Variants in TRIM5 observed in about 807,000 individuals in gnomAD.
TRIM5 encodes tripartite motif containing 5, also known as tripartite motif-containing protein 5.
In TRIM5, 31 loss-of-function variants were observed where a neutral mutation model predicts 35.6. The ratio of observed to expected loss-of-function variants is 0.87; its 90% CI spans 0.65 to 1.18. TRIM5 has a LOEUF of 1.18. Among genes scored for constraint, TRIM5 ranks in the 50% most tolerant of loss-of-function variants. The pLI is 0.00. For synonymous variants in TRIM5, 243 were observed against 215.6 expected (o/e 1.13, Z -1.11); for missense variants, 609 against 591.6 (o/e 1.03, Z -0.31).
the TRIM5 span, chr11:5,596,769 GTT>G: frequency 1.4e-4 from 208 of 1,442,834 alleles, no homozygotes; most frequent in Non-Finnish European, 1.9e-4. Context: ...GCGTGGTTGA[GTT>G]TAGATAAAAG....
chr11:5,597,253 T>TA, the TRIM5 span, among the ~76,000 whole-genome samples: 3 of 152,160 alleles, frequency 2.0e-5, no homozygotes, highest in Admixed American at 1.3e-4. Context: ...ATGTATATCT[T>TA]AGAGTTTTGG....
At chr11:5,647,879 C>T in the TRIM5 span, among the ~76,000 whole-genome samples, 5,955 of 152,048 alleles carry the variant, frequency 0.039, 218 homozygotes, top group East Asian at 0.16. Context: ...GGTGATGTCA[C>T]GGGGGTCTGA....
chr11:5,633,950 T>C, the TRIM5 span: 1 of 1,598,436 alleles, frequency 6.3e-7, no homozygotes, highest in Non-Finnish European at 8.5e-7. Flanking sequence ...GACAGGACCT[T>C]AATCCAAGGA....
the TRIM5 span, among the ~76,000 whole-genome samples, chr11:5,645,278 C>T: frequency 1.4e-3 from 209 of 151,608 alleles, no homozygotes; most frequent in African/African-American, 4.9e-3. Context: ...TGTAATCCCA[C>T]CTACTTGGGA....
chr11:5,641,413 C>T, the TRIM5 span: 6 of 1,195,610 alleles, frequency 5.0e-6, no homozygotes, highest in African/African-American at 7.8e-5. Context: ...TTCAGAGCTA[C>T]AGCCAAAAAG....
chr11:5,609,785 T>C, the TRIM5 span, among the ~76,000 whole-genome samples: 1 of 152,002 alleles, frequency 6.6e-6, no homozygotes, highest in Non-Finnish European at 1.5e-5. Context: ...TAGCCAGGCG[T>C]GGTGGCACGC....
chr11:5,678,021 A>G, intron 4 of TRIM5, 183 bp downstream of exon 4: 1 of 547,562 alleles, frequency 1.8e-6, no homozygotes, highest in South Asian at 3.0e-5. Flanking sequence ...GGATAAATTA[A>G]TAAAAATGGG....
the TRIM5 span, among the ~76,000 whole-genome samples, chr11:5,652,852 CTTTTTT>C: frequency 9.0e-4 from 130 of 143,676 alleles, no homozygotes; most frequent in South Asian, 3.8e-3. Flanking sequence ...TTTTCTTTTT[CTTTTTT>C]TTTTTTTTTT....
At position 5,663,670 on chromosome 11, in the gene TRIM5, T is replaced by A; in HGVS notation, c.*1139A>T. 1.4e-6 allele frequency: 1 copy of A among 707,702 alleles called. No individual in the cohort carries two copies. Among genetic ancestry groups the A allele is most frequent in the Non-Finnish European group, 1.7e-6 (1 of 576,076 alleles). The allele number at this position is 707,702 out of a possible 1,614,324, so 43.8% of individuals were successfully genotyped here. On this transcript the variant is annotated 3_prime_UTR_variant, in exon 8 of 8. Transcript: ENST00000380034. ...CAAATAATAAATATACATATTTATG[T>A]GGTACAGTGTGATGTTTTGATACAT...
At chr11:5,676,684 A>C (rs1250711730) in intron 4 of TRIM5, among the ~76,000 whole-genome samples, 4 of 149,476 alleles carry the variant, frequency 2.7e-5, no homozygotes, top group Admixed American at 6.7e-5. Context: ...GAGGCATCAC[A>C]CTACCTGACT....
intron 4 of TRIM5, among the ~76,000 whole-genome samples, chr11:5,670,739 T>A (rs1411200921): frequency 6.6e-6 from 1 of 151,834 alleles, no homozygotes; most frequent in African/African-American, 2.4e-5. Context: ...GGATTGAACA[T>A]AACTTATATT....
At chr11:5,675,615 C>T (rs935787183) in intron 4 of TRIM5, among the ~76,000 whole-genome samples, 1 of 151,798 alleles carries the variant, frequency 6.6e-6, no homozygotes, top group Non-Finnish European at 1.5e-5. Flanking sequence ...AACTCCCAAC[C>T]CCATTGGTTG....
chr11:5,591,777 T>G, the TRIM5 span, among the ~76,000 whole-genome samples: 1 of 152,234 alleles, frequency 6.6e-6, no homozygotes, highest in Non-Finnish European at 1.5e-5. Context: ...TCCTGAATTC[T>G]GCCATGTGAG....
At chr11:5,608,417 G>A in the TRIM5 span, 2 of 1,613,318 alleles carry the variant, frequency 1.2e-6, no homozygotes, top group East Asian at 4.5e-5. Flanking sequence ...AGAACATGAG[G>A]TAGTTCCCCT....
the TRIM5 span, among the ~76,000 whole-genome samples, chr11:5,617,209 G>A: frequency 2.8e-5 from 4 of 144,628 alleles, no homozygotes; most frequent in African/African-American, 1.0e-4. Context: ...GTCTATTTTG[G>A]AATCTTTGAA....
chr11:5,666,090 TAA>T lies in TRIM5; in HGVS notation c.768-11_768-10del, dbSNP rs35734937. 5,465 of 1,359,578 alleles carry T rather than the reference TAA, an allele frequency of 4.0e-3. No homozygotes were observed. The highest frequency in any genetic ancestry group is 4.3e-3 in the Non-Finnish European group (4,368 of 1,008,500). The allele number at this position is 1,359,578 out of a possible 1,614,324, so 84.2% of individuals were successfully genotyped here. ...AGGTCACGTTCTCCGTCCTAAGAATTAAAAAAAAAAAAAAAAACTTCCAAACC... is the reference window on the plus strand; with the variant it reads ...AGGTCACGTTCTCCGTCCTAAGAATTAAAAAAAAAAAAAAACTTCCAAACC... On this transcript the variant is annotated splice_polypyrimidine_tract_variant and intron_variant, in intron 5 of 7. Coordinates refer to ENST00000380034, the MANE Select transcript of TRIM5 (RefSeq NM_033034.3).
chr11:5,668,222 C>G (rs1472445517), intron 4 of TRIM5, among the ~76,000 whole-genome samples: 1 of 152,046 alleles, frequency 6.6e-6, no homozygotes, highest in Non-Finnish European at 1.5e-5. Context: ...CTGCACTGAG[C>G]TAGGATCACA....
chr11:5,653,237 C>T, the TRIM5 span, among the ~76,000 whole-genome samples: 1 of 152,098 alleles, frequency 6.6e-6, no homozygotes, highest in Non-Finnish European at 1.5e-5. Flanking sequence ...TAGGTATTTT[C>T]TTCTTTTTGT....
At chr11:5,647,780 CA>C in the TRIM5 span, among the ~76,000 whole-genome samples, 1 of 152,138 alleles carries the variant, frequency 6.6e-6, no homozygotes, top group East Asian at 1.9e-4. Context: ...CTTGGCCTCC[CA>C]AAGTGCTGGG....
Sources: gnomAD v4.1 joint callset for allele counts (sites outside exome capture counted in the v4.1 genomes callset) on GRCh38, gnomAD v4.1.1 for gene constraint, MANE v1.5 for transcripts, NCBI Gene and HGNC (gene_info 2026-07-23, HGNC 2026-07-21) for gene names.